The following TESC variants were observed in gnomAD, a reference collection of about 807,000 sequenced individuals.
TESC encodes calcineurin B homologous protein 3.
Under a neutral mutation model 31.0 loss-of-function variants are expected in TESC, and 19 were observed. The ratio of observed to expected loss-of-function variants is 0.61; its 90% CI spans 0.43 to 0.90. The LOEUF is 0.90. TESC is among the 40% of genes least tolerant of loss of function. The pLI is 0.00. For synonymous variants in TESC, 109 were observed against 114.8 expected, an observed-to-expected ratio of 0.95 and a Z score of 0.32; for missense variants, 248 against 303.8, an observed-to-expected ratio of 0.82 and a Z score of 1.36.
rs563589435 is a variant in TESC at position 117,068,486 on chromosome 12, G to A, written c.128+6785C>T. On this transcript the variant is annotated intron_variant, in intron 2 of 7. Transcript: ENST00000335209. ...GGAGGTTGCAGTGAGCCAAGATCGC[G>A]CCACAGCACTCCAGCCTGGCTGACA... Among the ~76,000 whole-genome samples the A allele has an allele frequency of 5.9e-5, 9 of 152,270 alleles. No homozygotes were observed. In the East Asian group the frequency reaches 9.7e-4, roughly 16 times the overall value.
chr12:117,080,677 G>T (rs1238384121), intron 1 of TESC, among the ~76,000 whole-genome samples: 2 of 152,192 alleles, frequency 1.3e-5, no homozygotes, highest in African/African-American at 4.8e-5. Flanking sequence ...CTGACTTTCA[G>T]AACACCCCAG....
chr12:117,073,743 T>C (rs760769010), intron 2 of TESC, among the ~76,000 whole-genome samples: 1 of 152,212 alleles, frequency 6.6e-6, no homozygotes. Flanking sequence ...AGCTTCCCCA[T>C]GAACTCTGTG....
intron 6 of TESC, among the ~76,000 whole-genome samples, chr12:117,042,744 T>A (rs898495124): frequency 6.6e-6 from 1 of 152,086 alleles, no homozygotes; most frequent in South Asian, 2.1e-4. Flanking sequence ...AACCTCACCC[T>A]GCAGCTCGCT....
chr12:117,071,937 C>A (rs1264794860), intron 2 of TESC, among the ~76,000 whole-genome samples: 1 of 152,178 alleles, frequency 6.6e-6, no homozygotes, highest in Middle Eastern at 3.2e-3. Flanking sequence ...TCAGGCCCCA[C>A]CCTAGAACTG....
intron 2 of TESC, among the ~76,000 whole-genome samples, chr12:117,072,849 C>A (rs1320945775): frequency 6.6e-6 from 1 of 152,186 alleles, no homozygotes; most frequent in Non-Finnish European, 1.5e-5. Flanking sequence ...GCACTCATAG[C>A]CCACTGCAGT....
intron 7 of TESC, among the ~76,000 whole-genome samples, chr12:117,041,617 G>GCCA (rs1954484792): frequency 6.6e-6 from 1 of 152,234 alleles, no homozygotes; most frequent in Non-Finnish European, 1.5e-5. Flanking sequence ...ACAGGCATGA[G>GCCA]CCACCGCGCC....
intron 1 of TESC, among the ~76,000 whole-genome samples, chr12:117,086,944 C>T (rs537235431): frequency 3.9e-5 from 6 of 152,288 alleles, no homozygotes; most frequent in Admixed American, 1.3e-4. Flanking sequence ...CAGCAACTTG[C>T]ATGCCTCCTG....
At chr12:117,055,550 G>T (rs1301144255) in intron 3 of TESC, among the ~76,000 whole-genome samples, 1 of 152,234 alleles carries the variant, frequency 6.6e-6, no homozygotes, top group Non-Finnish European at 1.5e-5. Flanking sequence ...CAAGAAGGGG[G>T]TGACCTAGTG....
intron 3 of TESC, among the ~76,000 whole-genome samples, chr12:117,056,427 C>T (rs1011749873): frequency 2.9e-5 from 4 of 138,792 alleles, no homozygotes; most frequent in African/African-American, 1.2e-4. Context: ...GGCTGGAGTG[C>T]AAGCGGTGTG....
At chr12:117,093,126 C>T (rs77998169) in intron 1 of TESC, among the ~76,000 whole-genome samples, 3,548 of 152,236 alleles carry the variant, frequency 0.023, 146 homozygotes, top group African/African-American at 0.078. Flanking sequence ...GACCCTTCCT[C>T]CCGCTATGCT....
chr12:117,083,398 G>A (rs559673061), intron 1 of TESC, among the ~76,000 whole-genome samples: 55 of 152,200 alleles, frequency 3.6e-4, no homozygotes, highest in Non-Finnish European at 5.9e-4. Context: ...ATTTATACCC[G>A]AGATAAAAGA....
rs1327089199 is a variant in TESC, at chr12:117,090,853, T to C, written c.58+8372A>G. ...CTGGCACAGGTGCTCAGGAGGAGCT[T>C]AGGGAACCCTCTTCCAACCTCAGCA... On this transcript the variant is annotated intron_variant, in intron 1 of 7. Transcript: ENST00000335209. Among the ~76,000 whole-genome samples the C allele has an allele frequency of 3.3e-5, 5 of 152,248 alleles. No homozygotes were observed. The East Asian group carries it at 5.8e-4, about 18-fold the overall frequency.
At chr12:117,075,903 A>ATATGTATG (rs1955059795) in intron 1 of TESC, among the ~76,000 whole-genome samples, 1 of 82,794 alleles carries the variant, frequency 1.2e-5, no homozygotes, top group African/African-American at 8.4e-5. Context: ...ATATATATAT[A>ATATGTATG]TATATATATA....
intron 4 of TESC, chr12:117,048,709 C>T (rs1954603255): frequency 1.9e-6 from 1 of 534,216 alleles, no homozygotes; most frequent in Admixed American, 2.2e-5. Context: ...TTCAAGGTCA[C>T]ATGGCTGGTG....
intron 2 of TESC, among the ~76,000 whole-genome samples, chr12:117,071,814 C>T (rs971119904): frequency 1.3e-5 from 2 of 152,120 alleles, no homozygotes; most frequent in African/African-American, 4.8e-5. Flanking sequence ...AGAGAGGCCG[C>T]GCCAGCTCAG....
chr12:117,068,458 C>T (rs575549705), intron 2 of TESC, among the ~76,000 whole-genome samples: 2 of 152,178 alleles, frequency 1.3e-5, no homozygotes, highest in Admixed American at 6.5e-5. Flanking sequence ...GAACCTGGGA[C>T]GGGGAGGTTG....
Position 117,046,540 on chromosome 12 carries a change from G to C in TESC, c.519+19C>G, listed in dbSNP as rs1954562595. 6.5e-7 allele frequency: 1 copy of C among 1,542,198 alleles called. No homozygotes were observed. Among genetic ancestry groups the C allele is most frequent in the African/African-American group, 1.4e-5 (1 of 72,976 alleles). Reference sequence around the variant, plus strand: ...GGGAAAGGCACTGCGCGTCTCGGGAGGGCTGCAGGGGCGCTCACCATCTGC... The same window carrying C: ...GGGAAAGGCACTGCGCGTCTCGGGACGGCTGCAGGGGCGCTCACCATCTGC... On this transcript the variant is annotated intron_variant, in intron 6 of 7. Transcript: ENST00000335209.
chr12:117,095,448 G>C (rs371935209), intron 1 of TESC, among the ~76,000 whole-genome samples: 1 of 152,214 alleles, frequency 6.6e-6, no homozygotes, highest in East Asian at 1.9e-4. Flanking sequence ...AATGAAAACA[G>C]TGCTCCAGGC....
At chr12:117,046,267 G>A (rs1030428149) in intron 6 of TESC, among the ~76,000 whole-genome samples, 36 of 152,190 alleles carry the variant, frequency 2.4e-4, no homozygotes, top group East Asian at 3.9e-4. Flanking sequence ...GCTGCTGTGA[G>A]CACTGACTGA....
Sources: allele counts gnomAD v4.1 joint callset (sites outside exome capture counted in the v4.1 genomes callset), GRCh38; gene constraint gnomAD v4.1.1; transcripts MANE v1.5; gene names NCBI Gene and HGNC (gene_info 2026-07-23, HGNC 2026-07-21).